RBFOX1: variants seen among roughly 807,000 people sequenced by gnomAD.
RBFOX1 encodes the protein RNA binding protein fox-1 homolog 1.
Under a neutral mutation model 57.7 loss-of-function variants are expected in RBFOX1, and 8 were observed. The ratio of observed to expected loss-of-function variants is 0.14; its 90% CI spans 0.08 to 0.25. The LOEUF is 0.25. Among genes scored for constraint, RBFOX1 ranks in the 10% least tolerant of loss-of-function variants. The pLI, the probability that RBFOX1 is intolerant of heterozygous loss-of-function variation, is 1.00. For missense variants in RBFOX1, 611 were observed against 548.5 expected, an observed-to-expected ratio of 1.11 and a Z score of -1.14; for synonymous variants, 326 against 222.4, an observed-to-expected ratio of 1.47 and a Z score of -4.15.
intron 3 of RBFOX1, among the ~76,000 whole-genome samples, chr16:6,818,709 C>A (rs1056033126): frequency 6.6e-6 from 1 of 152,128 alleles, no homozygotes; most frequent in African/African-American, 2.4e-5. Context: ...GTCCTCTCTT[C>A]CACCCTCAGT....
intron 2 of RBFOX1, among the ~76,000 whole-genome samples, chr16:6,514,806 C>T (rs1035676583): frequency 6.6e-6 from 1 of 151,506 alleles, no homozygotes; most frequent in Non-Finnish European, 1.5e-5. Context: ...AATGGTGTCT[C>T]CTGAAGTGTT....
intron 4 of RBFOX1, among the ~76,000 whole-genome samples, chr16:5,978,337 A>G (rs2060108091): frequency 6.6e-6 from 1 of 151,624 alleles, no homozygotes; most frequent in Non-Finnish European, 1.5e-5. Context: ...TAAAAATAAA[A>G]AATAAAAAAA....
At chr16:6,450,436 T>C (rs186270125) in intron 2 of RBFOX1, among the ~76,000 whole-genome samples, 60 of 152,014 alleles carry the variant, frequency 3.9e-4, no homozygotes, top group African/African-American at 1.4e-3. Context: ...TGGTTTATTT[T>C]CACAATATAG....
intron 1 of RBFOX1, among the ~76,000 whole-genome samples, chr16:6,051,708 C>T (rs2095553743): frequency 6.6e-6 from 1 of 152,120 alleles, no homozygotes; most frequent in Non-Finnish European, 1.5e-5. Flanking sequence ...AGATTACAGG[C>T]TCCTGCCACC....
At chr16:5,816,692 G>A (rs2055652823) in intron 3 of RBFOX1, among the ~76,000 whole-genome samples, 1 of 152,124 alleles carries the variant, frequency 6.6e-6, no homozygotes, top group Non-Finnish European at 1.5e-5. Context: ...GCTGAGGTGG[G>A]AGGATTGTTT....
chr16:6,723,578 G>T (rs1393219781), intron 3 of RBFOX1, among the ~76,000 whole-genome samples: 1 of 152,180 alleles, frequency 6.6e-6, no homozygotes, highest in African/African-American at 2.4e-5. Flanking sequence ...TGGAGAAGTG[G>T]ATGGCAGTAG....
chr16:6,062,461 A>G (rs1028121149), intron 1 of RBFOX1, among the ~76,000 whole-genome samples: 4 of 151,968 alleles, frequency 2.6e-5, no homozygotes, highest in African/African-American at 4.8e-5. Flanking sequence ...GGAGATCCCA[A>G]TGGTTTTAGA....
At chr16:6,573,454 G>A (rs1039250732) in intron 2 of RBFOX1, among the ~76,000 whole-genome samples, 1 of 152,148 alleles carries the variant, frequency 6.6e-6, no homozygotes, top group Non-Finnish European at 1.5e-5. Flanking sequence ...CATTCACTCA[G>A]ATCATAATCA....
chr16:6,842,401 T>C (rs1435514608), intron 3 of RBFOX1, among the ~76,000 whole-genome samples: 3 of 152,112 alleles, frequency 2.0e-5, no homozygotes, highest in African/African-American at 7.2e-5. Flanking sequence ...TTAATCCAAC[T>C]ACTTGGAGAT....
intron 2 of RBFOX1, among the ~76,000 whole-genome samples, chr16:6,527,890 C>G (rs9925404): frequency 6.6e-6 from 1 of 152,172 alleles, no homozygotes; most frequent in African/African-American, 2.4e-5. Context: ...TGACCACACC[C>G]CTCAGTCACG....
intron 10 of RBFOX1, among the ~76,000 whole-genome samples, chr16:7,625,173 C>T (rs1429952453): frequency 6.6e-5 from 10 of 152,112 alleles, no homozygotes; most frequent in South Asian, 2.1e-4. Flanking sequence ...AAATGCGGGT[C>T]GCCATGATGT....
intron 3 of RBFOX1, among the ~76,000 whole-genome samples, chr16:6,815,604 A>G (rs2089897877): frequency 6.6e-6 from 1 of 152,158 alleles, no homozygotes; most frequent in Non-Finnish European, 1.5e-5. Context: ...TCATTTTACC[A>G]ATGAGTAAAC....
chr16:5,956,877 G>A (rs544931270), intron 4 of RBFOX1, among the ~76,000 whole-genome samples: 21 of 149,950 alleles, frequency 1.4e-4, no homozygotes, highest in African/African-American at 5.2e-4. Context: ...CGCCATTTTG[G>A]CCAGGCTGCT....
intron 2 of RBFOX1, among the ~76,000 whole-genome samples, chr16:6,631,311 T>C (rs555736701): frequency 6.6e-6 from 1 of 151,938 alleles, no homozygotes; most frequent in Non-Finnish European, 1.5e-5. Flanking sequence ...GAGACAGAGA[T>C]GCATTTTAAT....
intron 14 of RBFOX1, among the ~76,000 whole-genome samples, chr16:7,699,092 C>T (rs1424469700): frequency 6.6e-6 from 1 of 152,164 alleles, no homozygotes; most frequent in Non-Finnish European, 1.5e-5. Context: ...ATTCATAAGT[C>T]CGGAGAGGGA....
At position 6,918,731 on chromosome 16, in the gene RBFOX1, A is replaced by G. The variant is rs575318323; in HGVS notation, c.-15-133326A>G. ...ATTCTCTGCCTTCCGAATGCAGACAACATGAAGCGGCAGTCTCACGTTGAT... is the reference window on the plus strand; with the variant it reads ...ATTCTCTGCCTTCCGAATGCAGACAGCATGAAGCGGCAGTCTCACGTTGAT... On this transcript the variant is annotated intron_variant, in intron 3 of 15. Coordinates refer to ENST00000550418, the MANE Select transcript of RBFOX1 (RefSeq NM_018723.4). Among the ~76,000 whole-genome samples the G allele has an allele frequency of 7.2e-5, 11 of 152,290 alleles. No homozygotes were observed. The Middle Eastern group carries it at 0.02, about 283-fold the overall frequency.
At chr16:6,417,471 T>C (rs9302820) in intron 2 of RBFOX1, among the ~76,000 whole-genome samples, 89,505 of 142,486 alleles carry the variant, frequency 0.63, 28,844 homozygotes, top group African/African-American at 0.79. Flanking sequence ...CTCACTGCAA[T>C]CTCTGTCTCC....
rs1416211761 is a variant in RBFOX1, at chr16:5,956,676, A to ATTTTTTTT, written c.351+89342_351+89343insTTTTTTTT. On this transcript the variant is annotated intron_variant, in intron 4 of 19. Coordinates refer to the RBFOX1 transcript ENST00000641259. ...TATATATTTATATATATATATATAT[A>ATTTTTTTT]TATTTTTTTTGAGGCACAGTCTCAT... is the stretch of plus-strand genomic sequence containing the variant. Among the ~76,000 whole-genome samples, 293 of 104,016 alleles carry ATTTTTTTT rather than the reference A, an allele frequency of 2.8e-3. 1 individual carries two copies. Among genetic ancestry groups the ATTTTTTTT allele is most frequent in the African/African-American group, 7.8e-3 (219 of 28,094 alleles). 68.2% of individuals were successfully genotyped at this position (104,016 alleles called of 152,430 possible).
At chr16:5,933,104 ACTT>A (rs1353229788) in intron 4 of RBFOX1, among the ~76,000 whole-genome samples, 1 of 152,202 alleles carries the variant, frequency 6.6e-6, no homozygotes, top group Non-Finnish European at 1.5e-5. Context: ...CAGGAAAATT[ACTT>A]CTTCTTCAAA....
Sources: allele counts gnomAD v4.1 joint callset (sites outside exome capture counted in the v4.1 genomes callset), GRCh38; gene constraint gnomAD v4.1.1; transcripts MANE v1.5; gene names NCBI Gene and HGNC (gene_info 2026-07-23, HGNC 2026-07-21).